The following CSMD2 variants were observed in gnomAD, a reference collection of about 807,000 sequenced individuals.
CSMD2 encodes the protein CUB and sushi domain-containing protein 2.
In CSMD2, 130 loss-of-function variants were observed where a neutral mutation model predicts 398.5. The ratio of observed to expected loss-of-function variants is 0.33; its 90% CI spans 0.28 to 0.38. The LOEUF (loss-of-function observed/expected upper bound fraction) is 0.38, where lower values mean the gene tolerates loss of function less well. Ranked by LOEUF, CSMD2 falls within the 10% of genes least tolerant of loss-of-function variation. The pLI is 1.00. For missense variants in CSMD2, 3,829 were observed against 4,764.9 expected (o/e 0.80, Z 5.78); for synonymous variants, 1,828 against 1,908.5 (o/e 0.96, Z 1.10).
At chr1:33,801,400 GT>G (rs1198338499) in intron 10 of CSMD2, among the ~76,000 whole-genome samples, 2 of 152,114 alleles carry the variant, frequency 1.3e-5, no homozygotes, top group Non-Finnish European at 2.9e-5. Context: ...CTACATCTTT[GT>G]TTTTCCATGA....
At chr1:33,876,304 T>C (rs1452334931) in intron 5 of CSMD2, among the ~76,000 whole-genome samples, 1 of 152,186 alleles carries the variant, frequency 6.6e-6, no homozygotes, top group Non-Finnish European at 1.5e-5. Context: ...ACACAGGATT[T>C]GTAGTCAGAG....
chr1:34,013,069 G>A (rs558945423), intron 3 of CSMD2, among the ~76,000 whole-genome samples: 2 of 152,210 alleles, frequency 1.3e-5, no homozygotes, highest in African/African-American at 4.8e-5. Context: ...AGGTGTGAAC[G>A]CTAGCAAGCT....
intron 5 of CSMD2, among the ~76,000 whole-genome samples, chr1:33,859,140 T>C (rs1639306653): frequency 1.3e-5 from 2 of 152,186 alleles, no homozygotes; most frequent in South Asian, 4.1e-4. Flanking sequence ...AACAAATAAC[T>C]GTACATTTAA....
At chr1:33,830,731 C>A (rs1440947995) in intron 6 of CSMD2, among the ~76,000 whole-genome samples, 1 of 152,162 alleles carries the variant, frequency 6.6e-6, no homozygotes, top group Non-Finnish European at 1.5e-5. Context: ...AGAGGAAATT[C>A]AAACCAAAGG....
intron 49 of CSMD2, among the ~76,000 whole-genome samples, chr1:33,573,109 G>A (rs1038047247): frequency 6.6e-6 from 1 of 152,190 alleles, no homozygotes; most frequent in Non-Finnish European, 1.5e-5. Flanking sequence ...CCAGAGGAAA[G>A]CTCTTTTAAT....
At chr1:34,072,801 C>T (rs1431237425) in intron 2 of CSMD2, among the ~76,000 whole-genome samples, 1 of 152,108 alleles carries the variant, frequency 6.6e-6, no homozygotes, top group Admixed American at 6.5e-5. Flanking sequence ...GCTGCCAACC[C>T]CTCCCCCACC....
At chr1:33,646,287 AT>A (rs1643422179) in intron 29 of CSMD2, among the ~76,000 whole-genome samples, 1 of 152,242 alleles carries the variant, frequency 6.6e-6, no homozygotes, top group Non-Finnish European at 1.5e-5. Flanking sequence ...ATTGTGCCTC[AT>A]ATCAGAATCC....
intron 3 of CSMD2, among the ~76,000 whole-genome samples, chr1:33,961,606 C>T (rs760477617): frequency 4.6e-5 from 7 of 152,136 alleles, no homozygotes; most frequent in South Asian, 2.1e-4. Flanking sequence ...GGTTTGAATG[C>T]GAGCCTAGTG....
intron 13 of CSMD2, among the ~76,000 whole-genome samples, chr1:33,767,891 A>C (rs1446085026): frequency 6.6e-6 from 1 of 152,168 alleles, no homozygotes; most frequent in Non-Finnish European, 1.5e-5. Flanking sequence ...AACTTCTAGA[A>C]ATCTAGTGCA....
chr1:33,600,768 C>A, intron 44 of CSMD2, 97 bp downstream of exon 44: 2 of 1,292,724 alleles, frequency 1.5e-6, no homozygotes, highest in East Asian at 2.3e-5. Context: ...ACAACTCACT[C>A]AAGGTCACAT....
chr1:34,063,976 G>A (rs999235807), intron 2 of CSMD2, among the ~76,000 whole-genome samples: 1 of 152,206 alleles, frequency 6.6e-6, no homozygotes, highest in African/African-American at 2.4e-5. Flanking sequence ...ACCCTCTGAA[G>A]CCACAGCATG....
At chr1:33,837,694 A>C (rs935292230) in intron 6 of CSMD2, among the ~76,000 whole-genome samples, 4 of 152,230 alleles carry the variant, frequency 2.6e-5, no homozygotes, top group African/African-American at 9.6e-5. Context: ...TACAAAAAAG[A>C]AGTCATACAC....
At chr1:33,691,681 G>T (rs1645245556) in intron 25 of CSMD2, among the ~76,000 whole-genome samples, 1 of 152,076 alleles carries the variant, frequency 6.6e-6, no homozygotes, top group Non-Finnish European at 1.5e-5. Context: ...TCCTGATGGT[G>T]TCTCCCCATG....
intron 15 of CSMD2, among the ~76,000 whole-genome samples, chr1:33,732,124 GCA>G (rs144338591): frequency 1.0e-4 from 15 of 150,574 alleles, no homozygotes; most frequent in African/African-American, 2.2e-4. Context: ...GCGTGCACAT[GCA>G]CACACACACA....
chr1:34,046,847 C>T (rs1179652558), intron 2 of CSMD2, among the ~76,000 whole-genome samples: 4 of 152,164 alleles, frequency 2.6e-5, no homozygotes, highest in Admixed American at 6.6e-5. Context: ...TACCCTCAAA[C>T]GGAGGCATTT....
intron 1 of CSMD2, among the ~76,000 whole-genome samples, chr1:34,102,579 G>A (rs1056225404): frequency 2.4e-5 from 2 of 82,550 alleles, no homozygotes; most frequent in African/African-American, 7.3e-5. Context: ...CTGTGATCCA[G>A]CCATATCCCT....
chr1:33,826,093 C>A (rs1379223530), intron 6 of CSMD2, among the ~76,000 whole-genome samples: 1 of 152,224 alleles, frequency 6.6e-6, no homozygotes, highest in South Asian at 2.1e-4. Context: ...CTGAATTCAA[C>A]CTGCTCCTCA....
chr1:33,723,512 G>T (rs1008920386), intron 19 of CSMD2, among the ~76,000 whole-genome samples: 3 of 152,326 alleles, frequency 2.0e-5, no homozygotes, highest in African/African-American at 7.2e-5. Context: ...GTTGAGAAAA[G>T]AGTATTAATA....
At chr1:33,680,842 G>A (rs911588997) in intron 25 of CSMD2, among the ~76,000 whole-genome samples, 6 of 151,726 alleles carry the variant, frequency 4.0e-5, no homozygotes, top group Non-Finnish European at 7.4e-5. Context: ...ACTGAGATTT[G>A]GGGGTTATCT....
Sources: allele counts gnomAD v4.1 joint callset (sites outside exome capture counted in the v4.1 genomes callset), GRCh38; gene constraint gnomAD v4.1.1; transcripts MANE v1.5; gene names NCBI Gene and HGNC (gene_info 2026-07-23, HGNC 2026-07-21).